RCOR1: variants seen among roughly 807,000 people sequenced by gnomAD.
RCOR1 encodes the protein REST corepressor.
RCOR1 carries 12 observed loss-of-function variants against 64.0 expected under a neutral mutation model. That is an observed-to-expected ratio of 0.19 (90% CI 0.12 to 0.30). The LOEUF (loss-of-function observed/expected upper bound fraction) is 0.30. Among genes scored for constraint, RCOR1 ranks in the 10% least tolerant of loss-of-function variants. The pLI is 1.00. For missense variants in RCOR1, 502 were observed against 621.2 expected, an observed-to-expected ratio of 0.81 and a Z score of 2.04; for synonymous variants, 279 against 227.2, an observed-to-expected ratio of 1.23 and a Z score of -2.05.
intron 8 of RCOR1, among the ~76,000 whole-genome samples, chr14:102,719,794 G>C (rs1896142179): frequency 6.6e-6 from 1 of 152,144 alleles, no homozygotes; most frequent in Non-Finnish European, 1.5e-5. Flanking sequence ...TACTATCTAT[G>C]AACAACCAGC....
chr14:102,622,996 T>G (rs1567411518), intron 2 of RCOR1, among the ~76,000 whole-genome samples: 1 of 152,206 alleles, frequency 6.6e-6, no homozygotes, highest in Admixed American at 6.5e-5. Context: ...TATGCCAGTT[T>G]TCTTTTTGTT....
intron 3 of RCOR1, among the ~76,000 whole-genome samples, chr14:102,700,303 C>T (rs919622685): frequency 4.6e-5 from 7 of 152,096 alleles, no homozygotes; most frequent in African/African-American, 1.4e-4. Context: ...TTCACTGCAA[C>T]CTCTGCCTCC....
intron 6 of RCOR1, among the ~76,000 whole-genome samples, chr14:102,708,889 G>A (rs1595240867): frequency 6.6e-6 from 1 of 152,106 alleles, no homozygotes; most frequent in East Asian, 1.9e-4. Context: ...GTTTAACGTG[G>A]TATATTTTTA....
chr14:102,717,526 C>T (rs1386561631), intron 8 of RCOR1, among the ~76,000 whole-genome samples: 1 of 152,150 alleles, frequency 6.6e-6, no homozygotes, highest in African/African-American at 2.4e-5. Context: ...TTAATCCTGG[C>T]CTGCCTGATC....
At chr14:102,717,544 A>G (rs946180010) in intron 8 of RCOR1, among the ~76,000 whole-genome samples, 5 of 152,152 alleles carry the variant, frequency 3.3e-5, no homozygotes, top group Non-Finnish European at 5.9e-5. Context: ...ATCTCACAGA[A>G]TATGTCTGGG....
intron 2 of RCOR1, among the ~76,000 whole-genome samples, chr14:102,648,788 A>C (rs545074675): frequency 6.6e-6 from 1 of 152,276 alleles, no homozygotes; most frequent in Admixed American, 6.5e-5. Flanking sequence ...TCCTTAATAT[A>C]GTTACTCATT....
intron 3 of RCOR1, among the ~76,000 whole-genome samples, chr14:102,689,305 T>G (rs1895484882): frequency 6.6e-6 from 1 of 152,192 alleles, no homozygotes; most frequent in Admixed American, 6.5e-5. Flanking sequence ...TTTTTTTTGT[T>G]GCTTGATTAT....
intron 2 of RCOR1, among the ~76,000 whole-genome samples, chr14:102,635,275 GGGTGGATCACTTGA>G (rs1894212779): frequency 6.6e-6 from 1 of 152,148 alleles, no homozygotes; most frequent in African/African-American, 2.4e-5. Context: ...CGGCCCAGGC[GGGTGGATCACTTGA>G]GGTCAGGAGT....
At chr14:102,619,750 G>A (rs935372626) in intron 2 of RCOR1, among the ~76,000 whole-genome samples, 1 of 151,982 alleles carries the variant, frequency 6.6e-6, no homozygotes, top group Non-Finnish European at 1.5e-5. Flanking sequence ...CAAAGTGCTG[G>A]GATTACATGC....
chr14:102,617,654 G>GACTTGGC (rs1366658987), intron 2 of RCOR1, among the ~76,000 whole-genome samples: 4 of 143,856 alleles, frequency 2.8e-5, no homozygotes, highest in Non-Finnish European at 6.0e-5. Flanking sequence ...CAGTGGCACA[G>GACTTGGC]ACTTGGCTCA....
At chr14:102,593,422 T>G (rs1195180001) in intron 2 of RCOR1, 97 bp downstream of exon 2, 6 of 1,298,748 alleles carry the variant, frequency 4.6e-6, no homozygotes, top group Non-Finnish European at 6.1e-6. Flanking sequence ...CAACTTTCTT[T>G]TTGTGCGTTC....
intron 8 of RCOR1, among the ~76,000 whole-genome samples, chr14:102,719,387 A>G (rs922298947): frequency 1.3e-5 from 2 of 151,992 alleles, no homozygotes; most frequent in Admixed American, 1.3e-4. Flanking sequence ...TCCTAATGCT[A>G]TCCCTCCCCA....
At chr14:102,725,876 C>T (rs1464692764) in intron 11 of RCOR1, among the ~76,000 whole-genome samples, 1 of 152,156 alleles carries the variant, frequency 6.6e-6, no homozygotes, top group East Asian at 1.9e-4. Context: ...GGGCCGTTTT[C>T]AGGCACTTAA....
In RCOR1 at chr14:102,593,275, G is replaced by C. The variant is rs1595184705; in HGVS notation, c.311G>C (p.Gly104Ala). The change falls in exon 2 of 12, where the codon GGC becomes GCC. Residue 104 changes from glycine (G) to alanine (A), a missense_variant. Gly to Ala is a moderately conservative substitution (Grantham distance 60, BLOSUM62 0). Transcript: ENST00000262241. The stretch of plus-strand genomic sequence containing the variant: ...TCTGCTTCCCCCGCAGGTGGCGGTG[G>C]CATGAGGGTCGGACCCCAGTACCAG... ...SSSDEEHGGGGMRVGPQYQAV... is the reference protein window; with the variant it reads ...SSSDEEHGGGAMRVGPQYQAV... The C allele has an allele frequency of 6.5e-7, 1 of 1,537,020 alleles. No homozygotes were observed. Among genetic ancestry groups the C allele is most frequent in the Non-Finnish European group, 8.7e-7 (1 of 1,147,484 alleles).
At chr14:102,692,768 C>CTT (rs538053987) in intron 3 of RCOR1, among the ~76,000 whole-genome samples, 1,138 of 111,886 alleles carry the variant, frequency 0.01, 21 homozygotes, top group Non-Finnish European at 0.013. Flanking sequence ...TTTTCTTTTT[C>CTT]TTTTTTTTTT....
intron 2 of RCOR1, among the ~76,000 whole-genome samples, chr14:102,675,354 C>T (rs1299627277): frequency 6.6e-6 from 1 of 152,102 alleles, no homozygotes; most frequent in African/African-American, 2.4e-5. Flanking sequence ...CCTATGCATA[C>T]ATACCTATGA....
At chr14:102,632,483 G>A (rs1787390175) in intron 2 of RCOR1, among the ~76,000 whole-genome samples, 1 of 152,022 alleles carries the variant, frequency 6.6e-6, no homozygotes, top group African/African-American at 2.4e-5. Context: ...GGGATTACAA[G>A]CGCGAGCCAC....
intron 4 of RCOR1, among the ~76,000 whole-genome samples, chr14:102,703,712 C>T (rs948623270): frequency 2.0e-5 from 3 of 152,152 alleles, no homozygotes; most frequent in Non-Finnish European, 4.4e-5. Flanking sequence ...ACTGGTAATC[C>T]CATGGTCTAT....
intron 3 of RCOR1, among the ~76,000 whole-genome samples, chr14:102,693,315 A>G (rs562306969): frequency 2.6e-5 from 4 of 152,300 alleles, no homozygotes; most frequent in East Asian, 3.9e-4. Flanking sequence ...GAGATTGTCT[A>G]TTTTAATCAC....
Sources: allele counts gnomAD v4.1 joint callset (sites outside exome capture counted in the v4.1 genomes callset), GRCh38; gene constraint gnomAD v4.1.1; transcripts MANE v1.5; gene names NCBI Gene and HGNC (gene_info 2026-07-23, HGNC 2026-07-21).